Variants in CSMD1 observed in about 807,000 individuals in gnomAD.
CSMD1 encodes CUB and sushi domain-containing protein 1.
A neutral mutation model predicts 417.5 loss-of-function variants in CSMD1; 213 were observed. The observed-to-expected ratio is 0.51, with a 90% CI of 0.46 to 0.57. CSMD1 has a LOEUF of 0.57. Ranked by LOEUF, CSMD1 falls within the 20% of genes least tolerant of loss-of-function variation. The probability of loss-of-function intolerance (pLI) is 0.00; values close to 1 mark genes in which losing one functional copy is unlikely to be tolerated. For missense variants in CSMD1, 6,923 were observed against 4,529.7 expected (o/e 1.53, Z -15.17); for synonymous variants, 2,862 against 1,736.8 (o/e 1.65, Z -16.11).
intron 23 of CSMD1, 61 bp from the exon 24 acceptor site, chr8:3,308,564 G>A (rs1364223753): frequency 1.5e-6 from 2 of 1,351,352 alleles, no homozygotes; most frequent in East Asian, 2.4e-5. Flanking sequence ...CCTTAAAACA[G>A]AGATGAAACA....
At chr8:3,490,017 T>A (rs1271871023) in intron 11 of CSMD1, among the ~76,000 whole-genome samples, 2 of 152,218 alleles carry the variant, frequency 1.3e-5, no homozygotes, top group Non-Finnish European at 2.9e-5. Flanking sequence ...ATAGACTCCA[T>A]GCTGGGAAGA....
intron 5 of CSMD1, among the ~76,000 whole-genome samples, chr8:3,949,661 T>A (rs1462744552): frequency 6.6e-6 from 1 of 151,820 alleles, no homozygotes; most frequent in Non-Finnish European, 1.5e-5. Flanking sequence ...GCAACGAGGA[T>A]GAGAGAAAGG....
intron 2 of CSMD1, among the ~76,000 whole-genome samples, chr8:4,541,615 G>A (rs996707220): frequency 1.3e-5 from 2 of 152,162 alleles, no homozygotes; most frequent in Middle Eastern, 6.8e-3. Flanking sequence ...GGGCATGGTG[G>A]CAAGCACCTG....
intron 2 of CSMD1, among the ~76,000 whole-genome samples, chr8:4,577,052 T>G (rs751789775): frequency 6.6e-6 from 1 of 152,186 alleles, no homozygotes; most frequent in African/African-American, 2.4e-5. Flanking sequence ...TTGCTTTGAT[T>G]ACGAACAGGC....
At chr8:4,675,870 C>G (rs1033535826) in intron 1 of CSMD1, among the ~76,000 whole-genome samples, 3 of 151,900 alleles carry the variant, frequency 2.0e-5, no homozygotes, top group Non-Finnish European at 2.9e-5. Context: ...CTAATTGTTT[C>G]CTAAACAAAA....
At chr8:3,856,697 G>A (rs972475759) in intron 5 of CSMD1, among the ~76,000 whole-genome samples, 1 of 152,206 alleles carries the variant, frequency 6.6e-6, no homozygotes, top group African/African-American at 2.4e-5. Context: ...TGAAAGCTGG[G>A]AAGATAGGGT....
intron 6 of CSMD1, among the ~76,000 whole-genome samples, chr8:3,748,590 G>C (rs1476110406): frequency 6.6e-6 from 1 of 152,244 alleles, no homozygotes; most frequent in Non-Finnish European, 1.5e-5. Flanking sequence ...AGGCAACCAT[G>C]CATGCCACCA....
At chr8:4,419,779 G>C (rs1391963765) in intron 3 of CSMD1, among the ~76,000 whole-genome samples, 174 bp downstream of exon 3, 4 of 152,190 alleles carry the variant, frequency 2.6e-5, no homozygotes, top group East Asian at 1.9e-4. Flanking sequence ...GGGCTGGAAA[G>C]TTTGGCGATT....
At chr8:4,061,059 A>G (rs369238886) in intron 3 of CSMD1, among the ~76,000 whole-genome samples, 7 of 39,908 alleles carry the variant, frequency 1.8e-4, no homozygotes, top group African/African-American at 3.3e-4. Context: ...ACAAAATGCC[A>G]TCTACATTTA....
At chr8:4,625,890 ATTG>A (rs973831225) in intron 2 of CSMD1, among the ~76,000 whole-genome samples, 3 of 151,912 alleles carry the variant, frequency 2.0e-5, no homozygotes, top group Non-Finnish European at 4.4e-5. Flanking sequence ...CGCCTGGCTA[ATTG>A]TTGTATTTTT....
chr8:4,830,473 G>T (rs1261509032), intron 1 of CSMD1, among the ~76,000 whole-genome samples: 2 of 152,146 alleles, frequency 1.3e-5, no homozygotes, highest in Non-Finnish European at 2.9e-5. Context: ...CTGTCTTTTT[G>T]CTAGATTGTC....
intron 26 of CSMD1, among the ~76,000 whole-genome samples, chr8:3,246,456 CTTTAT>C (rs898620679): frequency 1.2e-4 from 18 of 152,186 alleles, no homozygotes; most frequent in African/African-American, 3.4e-4. Flanking sequence ...CCCCCATTCT[CTTTAT>C]TTTATTTTTT....
intron 3 of CSMD1, among the ~76,000 whole-genome samples, chr8:4,350,049 C>T (rs1329962214): frequency 2.0e-5 from 3 of 152,098 alleles, no homozygotes; most frequent in Admixed American, 2.0e-4. Context: ...TTAGTTTTAG[C>T]TTATTTCAAA....
At chr8:3,641,465 T>C (rs906223798) in intron 7 of CSMD1, among the ~76,000 whole-genome samples, 2 of 152,228 alleles carry the variant, frequency 1.3e-5, no homozygotes, top group African/African-American at 4.8e-5. Context: ...TAAGTGGTTT[T>C]TAGCTGAAAG....
intron 11 of CSMD1, among the ~76,000 whole-genome samples, chr8:3,479,548 G>A (rs992418625): frequency 6.6e-6 from 1 of 152,194 alleles, no homozygotes; most frequent in Non-Finnish European, 1.5e-5. Flanking sequence ...CCAAAGTGCT[G>A]GGATTACAGG....
At chr8:3,763,063 C>T (rs955152996) in intron 5 of CSMD1, among the ~76,000 whole-genome samples, 40 of 152,144 alleles carry the variant, frequency 2.6e-4, no homozygotes, top group African/African-American at 9.2e-4. Flanking sequence ...AGATTGAAGC[C>T]TGTCCTATTC....
intron 2 of CSMD1, among the ~76,000 whole-genome samples, chr8:4,452,402 G>C (rs1353834606): frequency 6.6e-6 from 1 of 152,192 alleles, no homozygotes. Flanking sequence ...TTGGGGTTCA[G>C]AGGTTCATGT....
intron 2 of CSMD1, among the ~76,000 whole-genome samples, chr8:4,609,345 G>C (rs1370167928): frequency 6.6e-6 from 1 of 152,316 alleles, no homozygotes; most frequent in Non-Finnish European, 1.5e-5. Flanking sequence ...AGGTTGTAGT[G>C]AGCCGAGACT....
At position 4,111,922 on chromosome 8, in the gene CSMD1, AAAAT is replaced by A. The variant is rs561877478; in HGVS notation, c.416-79827_416-79824del. ...ATCCAGCACATGTACCCCAGAACTT[AAAAT>A]AAATAAAGTATGGCAAAAGCACAGT... is the stretch of plus-strand genomic sequence containing the variant. On this transcript the variant is annotated intron_variant, in intron 3 of 69. Transcript: ENST00000635120. Among the ~76,000 whole-genome samples the A allele has an allele frequency of 5.3e-4, 80 of 152,224 alleles. 1 individual carries two copies. The highest frequency in any genetic ancestry group is 9.3e-4 in the Non-Finnish European group (63 of 68,042).
Sources: gnomAD v4.1 joint callset for allele counts (sites outside exome capture counted in the v4.1 genomes callset) on GRCh38, gnomAD v4.1.1 for gene constraint, MANE v1.5 for transcripts, NCBI Gene and HGNC (gene_info 2026-07-23, HGNC 2026-07-21) for gene names.